Variants in PDE7B observed in about 807,000 individuals in gnomAD.
The protein encoded by PDE7B is phosphodiesterase 7B.
Under a neutral mutation model 56.2 loss-of-function variants are expected in PDE7B, and 29 were observed. The observed-to-expected ratio is 0.52, with a 90% CI of 0.38 to 0.70. The LOEUF (loss-of-function observed/expected upper bound fraction) is 0.70, where lower values mean the gene tolerates loss of function less well. PDE7B is among the 30% of genes least tolerant of loss of function. PDE7B has a pLI of 0.00. For synonymous variants in PDE7B, 197 were observed against 196.9 expected (o/e 1.00, Z 0.00); for missense variants, 490 against 565.0 (o/e 0.87, Z 1.35).
At position 136,193,772 on chromosome 6, in the gene PDE7B, A is replaced by G. The variant is rs1433423703; in HGVS notation, c.*1932A>G. The stretch of plus-strand genomic sequence containing the variant: ...CAAAGGAAATACTGATTGGCCTATA[A>G]TAAGTTCCTATAGGGAGACTGAGGC... On this transcript the variant is annotated 3_prime_UTR_variant, in exon 13 of 13. Coordinates refer to ENST00000308191, the MANE Select transcript of PDE7B (RefSeq NM_018945.4). 1.3e-5 allele frequency: 2 copies of G among 152,198 alleles called. No homozygotes were observed. Among genetic ancestry groups the G allele is most frequent in the African/African-American group, 4.8e-5 (2 of 41,456 alleles). The allele number at this position is 152,198 out of a possible 1,614,324, so 9.4% of individuals were successfully genotyped here.
At chr6:136,068,619 G>A (rs1006157043) in intron 2 of PDE7B, among the ~76,000 whole-genome samples, 1 of 151,932 alleles carries the variant, frequency 6.6e-6, no homozygotes, top group African/African-American at 2.4e-5. Flanking sequence ...TTTTAGTAGA[G>A]ACGGGGTTTC....
intron 1 of PDE7B, among the ~76,000 whole-genome samples, chr6:135,884,282 T>C (rs1368691625): frequency 6.6e-6 from 1 of 152,210 alleles, no homozygotes; most frequent in Admixed American, 6.5e-5. Flanking sequence ...TTAGTGTGTA[T>C]TGACTTGTCA....
intron 2 of PDE7B, among the ~76,000 whole-genome samples, chr6:136,078,804 C>T (rs1054916994): frequency 3.9e-5 from 6 of 152,058 alleles, no homozygotes; most frequent in Non-Finnish European, 5.9e-5. Flanking sequence ...ACTATACACT[C>T]ATAAAATAGC....
intron 9 of PDE7B, among the ~76,000 whole-genome samples, chr6:136,175,045 G>A (rs921018360): frequency 1.3e-5 from 2 of 152,124 alleles, no homozygotes; most frequent in Admixed American, 6.6e-5. Flanking sequence ...AAATGCAAGG[G>A]AAATGGGAAA....
chr6:136,101,329 A>G (rs1777558278), intron 2 of PDE7B, among the ~76,000 whole-genome samples: 1 of 152,200 alleles, frequency 6.6e-6, no homozygotes, highest in African/African-American at 2.4e-5. Context: ...GAATAGTTTC[A>G]GAATGAATGT....
chr6:135,904,222 T>C (rs1198180078), intron 1 of PDE7B, among the ~76,000 whole-genome samples: 1 of 152,226 alleles, frequency 6.6e-6, no homozygotes, highest in Non-Finnish European at 1.5e-5. Flanking sequence ...GGCAAGCACC[T>C]GACCTTGTGG....
intron 2 of PDE7B, among the ~76,000 whole-genome samples, chr6:135,968,505 A>T (rs1383938255): frequency 1.3e-5 from 2 of 152,240 alleles, no homozygotes; most frequent in African/African-American, 4.8e-5. Flanking sequence ...GACACTTCTC[A>T]AAAGAAGATA....
At position 135,860,820 on chromosome 6, in the gene PDE7B, A is replaced by C. The variant is rs574006484; in HGVS notation, c.21+8801A>C. ...TTACAATGTTGTTGGTGCTTTAAACATTTAAGATAAATCTTGTTTTAAATT... is the reference window on the plus strand; with the variant it reads ...TTACAATGTTGTTGGTGCTTTAAACCTTTAAGATAAATCTTGTTTTAAATT... On this transcript the variant is annotated intron_variant, in intron 1 of 12. Coordinates refer to ENST00000308191, the MANE Select transcript of PDE7B (RefSeq NM_018945.4). Among the ~76,000 whole-genome samples the C allele has an allele frequency of 2.1e-3, 322 of 151,904 alleles. 2 individuals are homozygous for C. The highest frequency in any genetic ancestry group is 7.6e-3 in the African/African-American group (316 of 41,480).
chr6:136,192,165 G>A lies in PDE7B; in HGVS notation c.*325G>A, dbSNP rs557731971. 8 of 353,390 alleles carry A rather than the reference G, an allele frequency of 2.3e-5. No homozygotes were observed. The highest frequency in any genetic ancestry group is 1.2e-4 in the East Asian group (2 of 16,340). 21.9% of individuals were successfully genotyped at this position (353,390 alleles called of 1,614,324 possible). A position where few individuals can be genotyped will look rare whatever the true frequency, so the allele number is the denominator to read the frequency against. ...TGCCGTGTCCGCCTTGTTCCGGGTCGCACTGGAACAGGCAGCAATTCCTAA... is the reference window on the plus strand; with the variant it reads ...TGCCGTGTCCGCCTTGTTCCGGGTCACACTGGAACAGGCAGCAATTCCTAA... On this transcript the variant is annotated 3_prime_UTR_variant, in exon 13 of 13. Coordinates refer to ENST00000308191, the MANE Select transcript of PDE7B (RefSeq NM_018945.4).
chr6:136,144,917 A>G (rs1451627559), intron 3 of PDE7B, among the ~76,000 whole-genome samples: 2 of 152,154 alleles, frequency 1.3e-5, no homozygotes, highest in Non-Finnish European at 2.9e-5. Flanking sequence ...TTACTTAGGG[A>G]AGATGATGCC....
chr6:136,177,331 A>G (rs1778994103), intron 9 of PDE7B, among the ~76,000 whole-genome samples: 1 of 152,084 alleles, frequency 6.6e-6, no homozygotes, highest in African/African-American at 2.4e-5. Context: ...TTAAAATGAT[A>G]AAAATTGAGA....
chr6:135,898,916 G>C (rs1775948414), intron 1 of PDE7B, among the ~76,000 whole-genome samples: 1 of 152,128 alleles, frequency 6.6e-6, no homozygotes, highest in Non-Finnish European at 1.5e-5. Context: ...TGGTTTGGCT[G>C]TGTCCCCACC....
intron 12 of PDE7B, among the ~76,000 whole-genome samples, chr6:136,188,015 G>A (rs1322903699): frequency 6.6e-6 from 1 of 152,166 alleles, no homozygotes; most frequent in Non-Finnish European, 1.5e-5. Flanking sequence ...CAGTGCTACA[G>A]ACCTTTGCAA....
chr6:135,871,987 T>C (rs1202552093), intron 1 of PDE7B, among the ~76,000 whole-genome samples: 1 of 152,208 alleles, frequency 6.6e-6, no homozygotes, highest in Non-Finnish European at 1.5e-5. Flanking sequence ...AAATGAGATT[T>C]AAAAGAAAAC....
At chr6:135,875,417 T>C (rs1006825249) in intron 1 of PDE7B, among the ~76,000 whole-genome samples, 1 of 152,058 alleles carries the variant, frequency 6.6e-6, no homozygotes, top group Non-Finnish European at 1.5e-5. Flanking sequence ...AATAAAAATA[T>C]AAATAAATTT....
intron 2 of PDE7B, among the ~76,000 whole-genome samples, chr6:135,958,973 C>T (rs985300010): frequency 5.9e-5 from 9 of 152,032 alleles, no homozygotes; most frequent in African/African-American, 1.2e-4. Flanking sequence ...ATTTTTTTGC[C>T]TACTTCAAGG....
rs1238699574 is a variant in PDE7B, at chr6:135,987,826, G to GAC, written c.82+40316_82+40317dup. Among the ~76,000 whole-genome samples, 441 of 150,486 alleles carry GAC rather than the reference G, an allele frequency of 2.9e-3. 1 individual carries two copies. Among genetic ancestry groups the GAC allele is most frequent in the African/African-American group, 9.9e-3 (399 of 40,350 alleles). ...TGCTGAAGAGGAAGCAAATAATAAA[G>GAC]ACACACACACACACATACACACACA... On this transcript the variant is annotated intron_variant, in intron 2 of 12. Coordinates refer to ENST00000308191, the MANE Select transcript of PDE7B (RefSeq NM_018945.4).
At chr6:136,104,041 C>T (rs893713262) in intron 2 of PDE7B, among the ~76,000 whole-genome samples, 2 of 152,144 alleles carry the variant, frequency 1.3e-5, no homozygotes, top group Non-Finnish European at 2.9e-5. Context: ...AGGTCCATTC[C>T]GGAGCCCTGT....
chr6:136,057,316 G>C (rs1394246461), intron 2 of PDE7B, among the ~76,000 whole-genome samples: 1 of 152,182 alleles, frequency 6.6e-6, no homozygotes, highest in East Asian at 1.9e-4. Flanking sequence ...ATAGTGGAAA[G>C]AAAAGTCATA....
Sources: allele counts gnomAD v4.1 joint callset (sites outside exome capture counted in the v4.1 genomes callset), GRCh38; gene constraint gnomAD v4.1.1; transcripts MANE v1.5; gene names NCBI Gene and HGNC (gene_info 2026-07-23, HGNC 2026-07-21).